MGAT4C: variants seen among roughly 807,000 people sequenced by gnomAD.
MGAT4C encodes the protein alpha-1,3-mannosyl-glycoprotein 4-beta-N-acetylglucosaminyltransferase C.
MGAT4C carries 19 observed loss-of-function variants against 40.1 expected under a neutral mutation model. The ratio of observed to expected loss-of-function variants is 0.47; its 90% confidence interval spans 0.33 to 0.70. The LOEUF is 0.70. Among genes scored for constraint, MGAT4C ranks in the 30% least tolerant of loss-of-function variants. MGAT4C has a pLI of 0.02. For synonymous variants in MGAT4C, 181 were observed against 187.1 expected, an observed-to-expected ratio of 0.97 and a Z score of 0.27; for missense variants, 491 against 563.2, an observed-to-expected ratio of 0.87 and a Z score of 1.30.
chr12:86,021,359 C>G (rs548387640), intron 2 of MGAT4C, among the ~76,000 whole-genome samples: 4 of 151,942 alleles, frequency 2.6e-5, no homozygotes, highest in African/African-American at 9.7e-5. Flanking sequence ...CAAAGATAGA[C>G]TGGATTAAGA....
At chr12:86,635,657 T>TTGTGTG (rs71309507) in intron 2 of MGAT4C, among the ~76,000 whole-genome samples, 11,290 of 147,296 alleles carry the variant, frequency 0.077, 629 homozygotes, top group African/African-American at 0.16. Flanking sequence ...TCTATATACA[T>TTGTGTG]TGTGTGTGTG....
intron 2 of MGAT4C, among the ~76,000 whole-genome samples, chr12:86,481,145 T>C (rs1172260782): frequency 6.6e-6 from 1 of 152,058 alleles, no homozygotes; most frequent in Non-Finnish European, 1.5e-5. Context: ...TATTGGTTTA[T>C]AATGCTATAA....
At chr12:86,808,307 T>C (rs1026475655) in intron 1 of MGAT4C, among the ~76,000 whole-genome samples, 12 of 152,030 alleles carry the variant, frequency 7.9e-5, no homozygotes, top group Admixed American at 3.9e-4. Context: ...TACCAAAATC[T>C]GGCAGAGATA....
At chr12:86,621,013 C>A (rs1423406574) in intron 2 of MGAT4C, among the ~76,000 whole-genome samples, 1 of 152,052 alleles carries the variant, frequency 6.6e-6, no homozygotes, top group East Asian at 1.9e-4. Flanking sequence ...TACCCAGTCT[C>A]AGGTATGGTA....
chr12:86,509,081 A>T (rs1047381897), intron 2 of MGAT4C, among the ~76,000 whole-genome samples: 1 of 151,702 alleles, frequency 6.6e-6, no homozygotes. Flanking sequence ...CCCATTTGTC[A>T]ATTTTGTCTT....
chr12:86,332,859 C>T (rs1358178397), intron 4 of MGAT4C, among the ~76,000 whole-genome samples: 1 of 151,790 alleles, frequency 6.6e-6, no homozygotes, highest in East Asian at 1.9e-4. Flanking sequence ...GGTTGATTAA[C>T]ATTTTTTTTG....
chr12:86,245,834 G>A (rs574464506), intron 1 of MGAT4C, among the ~76,000 whole-genome samples: 3 of 152,198 alleles, frequency 2.0e-5, no homozygotes, highest in Admixed American at 1.3e-4. Flanking sequence ...ATTAATTAAA[G>A]TGATTTTTTT....
chr12:86,329,757 C>T (rs1015553563), intron 4 of MGAT4C, among the ~76,000 whole-genome samples: 1 of 152,136 alleles, frequency 6.6e-6, no homozygotes, highest in African/African-American at 2.4e-5. Flanking sequence ...ATAGTTAAAG[C>T]TCTACTGTAT....
chr12:86,159,791 C>A (rs1885391694), intron 1 of MGAT4C, among the ~76,000 whole-genome samples: 1 of 151,884 alleles, frequency 6.6e-6, no homozygotes, highest in African/African-American at 2.4e-5. Context: ...TACCCATTTC[C>A]TCTAGATATT....
At chr12:86,784,731 A>G (rs1020200334) in intron 1 of MGAT4C, among the ~76,000 whole-genome samples, 1 of 152,018 alleles carries the variant, frequency 6.6e-6, no homozygotes, top group Non-Finnish European at 1.5e-5. Flanking sequence ...GCAAAGACTG[A>G]TCACATAACA....
In MGAT4C at chr12:86,758,389, T is replaced by A. The variant is rs543463047; in HGVS notation, c.-261-31148A>T. Among the ~76,000 whole-genome samples, 313 of 126,196 alleles carry A rather than the reference T, an allele frequency of 2.5e-3. 1 individual carries two copies. The highest frequency in any genetic ancestry group is 9.1e-3 in the African/African-American group (281 of 30,850). 82.8% of individuals were successfully genotyped at this position (126,196 alleles called of 152,430 possible). On this transcript the variant is annotated intron_variant, in intron 1 of 7. Coordinates refer to the MGAT4C transcript ENST00000548651. ...ATGTCCGAATCCTTTTTTTTTTTTT[T>A]TAAAAAAAAGAAACTAACATTAATT...
intron 2 of MGAT4C, among the ~76,000 whole-genome samples, chr12:86,015,152 CAA>C (rs914908152): frequency 6.6e-6 from 1 of 150,594 alleles, no homozygotes; most frequent in South Asian, 2.2e-4. Context: ...GTGAAATAAA[CAA>C]AGTTTGTTCT....
chr12:86,604,765 A>G (rs1281308360), intron 2 of MGAT4C, among the ~76,000 whole-genome samples: 5 of 152,192 alleles, frequency 3.3e-5, no homozygotes, highest in African/African-American at 1.2e-4. Flanking sequence ...TATACTGAAG[A>G]ACAAAAGAAA....
chr12:85,980,160 T>C lies in MGAT4C; in HGVS notation c.566A>G (p.Tyr189Cys), dbSNP rs1212964993. ...TTTGACTCTATCTTCTGGATCATTGTAATTTCTTTTAAGGCCATCTAGGAT... is the reference window on the plus strand; with the variant it reads ...TTTGACTCTATCTTCTGGATCATTGCAATTTCTTTTAAGGCCATCTAGGAT... ...YPILDGLKRN[Y>C]NDPEDRVKFR... The change falls in exon 5 of 5, where the codon TAC becomes TGC. Residue 189 changes from tyrosine to cysteine, a missense_variant. Tyr to Cys is a radical substitution (Grantham distance 194, BLOSUM62 -2). Transcript: ENST00000611864. 6.2e-7 allele frequency: 1 copy of C among 1,614,008 alleles called. No individual in the cohort carries two copies. The highest frequency in any genetic ancestry group is 1.7e-5 in the Admixed American group (1 of 59,998).
chr12:86,609,749 A>C (rs1405898953), intron 2 of MGAT4C, among the ~76,000 whole-genome samples: 1 of 151,412 alleles, frequency 6.6e-6, no homozygotes, highest in African/African-American at 2.4e-5. Context: ...TTTTTGAGAA[A>C]TATGTACAGT....
intron 1 of MGAT4C, among the ~76,000 whole-genome samples, chr12:86,113,910 G>C (rs922672283): frequency 2.0e-5 from 3 of 151,812 alleles, no homozygotes; most frequent in Admixed American, 6.6e-5. Flanking sequence ...CCTATAGTAA[G>C]TCTCATGAGG....
intron 1 of MGAT4C, among the ~76,000 whole-genome samples, chr12:86,781,790 T>C (rs1951845432): frequency 6.6e-6 from 1 of 152,166 alleles, no homozygotes. Flanking sequence ...TCAAAAATTA[T>C]TTTTAAAGCT....
intron 1 of MGAT4C, among the ~76,000 whole-genome samples, chr12:86,113,149 G>A (rs1279360514): frequency 2.0e-5 from 3 of 151,678 alleles, no homozygotes; most frequent in African/African-American, 7.2e-5. Context: ...GTTTGCCTAC[G>A]TGTTCAGGTC....
intron 2 of MGAT4C, among the ~76,000 whole-genome samples, chr12:86,596,700 T>C (rs574786811): frequency 3.9e-5 from 6 of 152,262 alleles, no homozygotes; most frequent in East Asian, 3.9e-4. Flanking sequence ...ATGGGTCCCA[T>C]TGAAGAACAG....
Sources: gnomAD v4.1 joint callset for allele counts (sites outside exome capture counted in the v4.1 genomes callset) on GRCh38, gnomAD v4.1.1 for gene constraint, MANE v1.5 for transcripts, NCBI Gene and HGNC (gene_info 2026-07-23, HGNC 2026-07-21) for gene names.